LBH: variants seen among roughly 807,000 people sequenced by gnomAD.
LBH encodes LBH regulator of Wnt signaling pathway, also known as protein LBH.
In LBH, 7 loss-of-function variants were observed where a neutral mutation model predicts 12.5. The observed-to-expected ratio is 0.56, with a 90% CI of 0.32 to 1.05. LBH has a LOEUF of 1.05. LBH is among the 50% of genes least tolerant of loss of function. LBH has a pLI of 0.04. For missense variants in LBH, 119 were observed against 138.9 expected (o/e 0.86, Z 0.72); for synonymous variants, 51 against 50.1 (o/e 1.02, Z -0.08).
chr2:30,232,490 C>T (rs1572374537), intron 1 of LBH: 1 of 386,818 alleles, frequency 2.6e-6, no homozygotes, highest in Non-Finnish European at 4.6e-6. Context: ...AGAGGCAGGC[C>T]CCTGACTGCT....
At chr2:30,248,864 T>G (rs1377577425) in intron 2 of LBH, among the ~76,000 whole-genome samples, 1 of 152,224 alleles carries the variant, frequency 6.6e-6, no homozygotes, top group Non-Finnish European at 1.5e-5. Context: ...AGATGGTGTT[T>G]ATCCAAAGGA....
Position 30,257,040 on chromosome 2 carries a change from G to A in LBH, c.130-393G>A, listed in dbSNP as rs1678097713. Among the ~76,000 whole-genome samples, 5 of 152,308 alleles carry A rather than the reference G, an allele frequency of 3.3e-5. No individual in the cohort carries two copies. In the South Asian group the frequency reaches 1.0e-3, roughly 32 times the overall value. ...ATTCCGGGAGGTACTTAATGCTGTG[G>A]CACCTGTTGTATTCTTTGTACTGCT... is the stretch of plus-strand genomic sequence containing the variant. On this transcript the variant is annotated intron_variant, in intron 2 of 2. Coordinates refer to ENST00000395323, the MANE Select transcript of LBH (RefSeq NM_030915.4).
At chr2:30,237,802 A>G (rs578262127) in intron 2 of LBH, among the ~76,000 whole-genome samples, 140 of 152,306 alleles carry the variant, frequency 9.2e-4, no homozygotes, top group African/African-American at 3.0e-3. Context: ...AGGGAAATCC[A>G]CGTGTGCACA....
chr2:30,242,142 T>C (rs974171870), intron 2 of LBH, among the ~76,000 whole-genome samples: 2 of 152,232 alleles, frequency 1.3e-5, no homozygotes, highest in Non-Finnish European at 2.9e-5. Context: ...TACTTTATAC[T>C]GTTTCCTTAG....
intron 2 of LBH, among the ~76,000 whole-genome samples, chr2:30,252,417 C>T (rs1677996657): frequency 6.6e-6 from 1 of 152,166 alleles, no homozygotes; most frequent in South Asian, 2.1e-4. Context: ...AATCCCAGCA[C>T]TTTGGGAGGC....
At chr2:30,232,402 G>A (rs1677606750) in intron 1 of LBH, 2 of 785,914 alleles carry the variant, frequency 2.5e-6, no homozygotes, top group Non-Finnish European at 1.9e-6. Flanking sequence ...CCGTGCTGAA[G>A]GGGAAGGAGC....
chr2:30,232,684 C>G (rs1232121004), intron 1 of LBH: 1 of 154,348 alleles, frequency 6.5e-6, no homozygotes, highest in African/African-American at 2.4e-5. Context: ...CCGGCCTGGC[C>G]CAAGAAGCGG....
intron 2 of LBH, among the ~76,000 whole-genome samples, chr2:30,242,487 G>A (rs1213990098): frequency 6.6e-6 from 1 of 151,948 alleles, no homozygotes; most frequent in Non-Finnish European, 1.5e-5. Flanking sequence ...CAAGTGATCT[G>A]CCCACCTCAG....
chr2:30,238,276 T>A (rs1214593264), intron 2 of LBH, among the ~76,000 whole-genome samples: 1 of 152,210 alleles, frequency 6.6e-6, no homozygotes, highest in African/African-American at 2.4e-5. Context: ...CCGAGGCGTC[T>A]ACAGTTTCAT....
Position 30,257,892 on chromosome 2 carries a change from G to T in LBH, c.*271G>T. 1 of 302,588 alleles carries T rather than the reference G, an allele frequency of 3.3e-6. No individual in the cohort carries two copies. Among genetic ancestry groups the T allele is most frequent in the South Asian group, 5.0e-5 (1 of 19,972 alleles). 18.7% of individuals were successfully genotyped at this position (302,588 alleles called of 1,614,324 possible). On this transcript the variant is annotated 3_prime_UTR_variant, in exon 3 of 3. Transcript: ENST00000395323. ...TAGAGCCAGGGGGTTAGTGGGTGAG[G>T]GGAGCGAGTGCTGTTTTTGAGATCA...
chr2:30,250,767 A>G (rs1413792956), intron 2 of LBH, among the ~76,000 whole-genome samples: 2 of 151,842 alleles, frequency 1.3e-5, no homozygotes, highest in Non-Finnish European at 2.9e-5. Context: ...CTGCTGAGGA[A>G]TTCCTGGTCT....
intron 2 of LBH, among the ~76,000 whole-genome samples, chr2:30,243,594 G>A (rs576054574): frequency 4.5e-4 from 64 of 141,750 alleles, no homozygotes; most frequent in African/African-American, 1.6e-3. Flanking sequence ...GCAGTGGCAC[G>A]ATCTCAGCTC....
chr2:30,251,770 A>G (rs534176966), intron 2 of LBH, among the ~76,000 whole-genome samples: 2 of 152,298 alleles, frequency 1.3e-5, no homozygotes, highest in South Asian at 4.1e-4. Context: ...TATAAACATC[A>G]ATTTAATGTA....
chr2:30,255,880 C>CA (rs1678075832), intron 2 of LBH, among the ~76,000 whole-genome samples: 1 of 152,224 alleles, frequency 6.6e-6, no homozygotes, highest in Non-Finnish European at 1.5e-5. Context: ...TCCACCCACT[C>CA]AAAGTTTTGC....
intron 1 of LBH, chr2:30,232,137 C>T (rs1176410593): frequency 6.5e-7 from 1 of 1,546,338 alleles, no homozygotes; most frequent in Admixed American, 2.0e-5. Flanking sequence ...TCTTCCCGGG[C>T]CCCTCCTCTT....
At position 30,231,749 on chromosome 2, in the gene LBH, A is replaced by G; in HGVS notation, c.11A>G (p.Tyr4Cys). 1 of 1,581,262 alleles carries G rather than the reference A, an allele frequency of 6.3e-7. No individual in the cohort carries two copies. Among genetic ancestry groups the G allele is most frequent in the Non-Finnish European group, 8.6e-7 (1 of 1,164,918 alleles). MSI[Y>C]FPIHCPDYLR... The stretch of plus-strand genomic sequence containing the variant: ...CTGCCCTAGGACTTCATGTCTATAT[A>G]TTTCCCCATTCACTGGTGAGTACCC... The change falls in exon 1 of 3, where the codon TAT becomes TGT. Residue 4 changes from tyrosine (Y) to cysteine (C), a missense_variant. Transcript: ENST00000395323.
chr2:30,231,622 G>A lies in LBH; in HGVS notation c.-117G>A, dbSNP rs1677585715. ...TGTCCTGGGAAGGCGGACGGCGAGCGCCCGGTGTCCGCACTCGGCCGCCTG... is the reference window on the plus strand; with the variant it reads ...TGTCCTGGGAAGGCGGACGGCGAGCACCCGGTGTCCGCACTCGGCCGCCTG... On this transcript the variant is annotated 5_prime_UTR_variant, in exon 1 of 3. Transcript: ENST00000395323. The A allele has an allele frequency of 3.0e-6, 3 of 999,836 alleles. No homozygotes were observed. Among genetic ancestry groups the A allele is most frequent in the East Asian group, 5.4e-5 (2 of 36,908 alleles). The allele number at this position is 999,836 out of a possible 1,614,324, so 61.9% of individuals were successfully genotyped here.
chr2:30,253,042 T>C (rs1678013009), intron 2 of LBH, among the ~76,000 whole-genome samples: 1 of 152,194 alleles, frequency 6.6e-6, no homozygotes, highest in African/African-American at 2.4e-5. Flanking sequence ...GGGGCAGTTC[T>C]TTACTCCCTG....
chr2:30,242,091 A>T (rs79251390), intron 2 of LBH, among the ~76,000 whole-genome samples: 27,715 of 152,200 alleles, frequency 0.18, 3,241 homozygotes, highest in Admixed American at 0.27. Flanking sequence ...GTAAATATGT[A>T]TATAAAAAGT....
Sources: allele counts gnomAD v4.1 joint callset (sites outside exome capture counted in the v4.1 genomes callset), GRCh38; gene constraint gnomAD v4.1.1; transcripts MANE v1.5; gene names NCBI Gene and HGNC (gene_info 2026-07-23, HGNC 2026-07-21).